Variants in TTC7B observed in about 807,000 individuals in gnomAD.
TTC7B encodes the protein tetratricopeptide repeat domain 7B, also known as tetratricopeptide repeat protein 7B.
TTC7B carries 28 observed loss-of-function variants against 106.8 expected under a neutral mutation model. That is an observed-to-expected ratio of 0.26 (90% CI 0.19 to 0.36). The LOEUF is 0.36. Among genes scored for constraint, TTC7B ranks in the 10% least tolerant of loss-of-function variants. TTC7B has a pLI of 1.00. For missense variants in TTC7B, 862 were observed against 1,076.4 expected (o/e 0.80, Z 2.79); for synonymous variants, 405 against 430.6 (o/e 0.94, Z 0.74).
Position 90,766,135 on chromosome 14 carries a change from G to GTTTT in TTC7B, c.445+14599_445+14602dup, listed in dbSNP as rs3085720. On this transcript the variant is annotated intron_variant, in intron 3 of 19. Transcript: ENST00000328459. ...CCTTGGCACAAAGACAGCCTACAAC[G>GTTTT]TTTTTTTTTTTTTTTAATAAACAAA... Among the ~76,000 whole-genome samples, 440 of 143,434 alleles carry GTTTT rather than the reference G, an allele frequency of 3.1e-3. 4 individuals carry two copies. Among genetic ancestry groups the GTTTT allele is most frequent in the African/African-American group, 0.011 (420 of 39,090 alleles). 94.1% of individuals were successfully genotyped at this position (143,434 alleles called of 152,430 possible).
At chr14:90,717,906 C>CCAGA (rs1361339911) in intron 5 of TTC7B, among the ~76,000 whole-genome samples, 3 of 152,352 alleles carry the variant, frequency 2.0e-5, no homozygotes, top group African/African-American at 7.2e-5. Flanking sequence ...TGGACCCCCT[C>CCAGA]TGTGATGCAG....
intron 19 of TTC7B, among the ~76,000 whole-genome samples, chr14:90,559,870 T>C (rs1288332247): frequency 6.6e-6 from 1 of 152,248 alleles, no homozygotes; most frequent in African/African-American, 2.4e-5. Flanking sequence ...TGCCAGTGTA[T>C]GGCAGAGCTA....
intron 5 of TTC7B, among the ~76,000 whole-genome samples, chr14:90,714,323 G>A (rs1333811364): frequency 6.6e-6 from 1 of 152,098 alleles, no homozygotes; most frequent in Non-Finnish European, 1.5e-5. Context: ...TATAGACACA[G>A]AGCCACAGAG....
chr14:90,652,488 T>TTA (rs577641560), intron 13 of TTC7B, among the ~76,000 whole-genome samples: 64 of 143,530 alleles, frequency 4.5e-4, no homozygotes, highest in African/African-American at 1.2e-3. Flanking sequence ...ATGTTTTTTT[T>TTA]AAAAAAAAAA....
intron 5 of TTC7B, among the ~76,000 whole-genome samples, chr14:90,713,274 C>T (rs994452630): frequency 6.6e-6 from 1 of 152,106 alleles, no homozygotes; most frequent in South Asian, 2.1e-4. Context: ...CACCACCATG[C>T]CCCACTAATT....
chr14:90,657,958 A>G lies in TTC7B; in HGVS notation c.1236+346T>C, dbSNP rs1459323045. The G allele has an allele frequency of 3.2e-6, 1 of 310,076 alleles. No homozygotes were observed. The highest frequency in any genetic ancestry group is 6.2e-6 in the Non-Finnish European group (1 of 160,052). 19.2% of individuals were successfully genotyped at this position (310,076 alleles called of 1,614,324 possible). On this transcript the variant is annotated intron_variant, in intron 10 of 19. Transcript: ENST00000328459. This position sits in a 1 kb window ranked among gnomAD's most constrained non-coding sequence, Gnocchi z 4.2. ...CACTGCCTAATATAACACATTGCTC[A>G]AGATAACCAACAGGTTTCCCCTCCA...
At chr14:90,547,205 T>A (rs1889874616) in intron 19 of TTC7B, among the ~76,000 whole-genome samples, 1 of 152,210 alleles carries the variant, frequency 6.6e-6, no homozygotes, top group Non-Finnish European at 1.5e-5. Flanking sequence ...CATAATCAGG[T>A]GTTTTGTACA....
intron 7 of TTC7B, among the ~76,000 whole-genome samples, chr14:90,684,051 C>G (rs1397859020): frequency 6.6e-6 from 1 of 152,034 alleles, no homozygotes; most frequent in Non-Finnish European, 1.5e-5. Flanking sequence ...GCATTCCCAT[C>G]CTTACCAAAA....
intron 1 of TTC7B, among the ~76,000 whole-genome samples, chr14:90,789,391 C>G (rs947591539): frequency 6.6e-6 from 1 of 152,038 alleles, no homozygotes; most frequent in Admixed American, 6.5e-5. Context: ...AGCCACTATA[C>G]CCGGCCTTAA....
chr14:90,782,625 C>T lies in TTC7B; in HGVS notation c.277-1719G>A, dbSNP rs980517028. ...AAAAAAAGCATCCACCACAGGGGTT[C>T]TCCACCCAGGTAGGGGACAGGCCAG... On this transcript the variant is annotated intron_variant, in intron 2 of 19. Coordinates refer to ENST00000328459, the MANE Select transcript of TTC7B (RefSeq NM_001010854.2). Among the ~76,000 whole-genome samples, 3 of 152,118 alleles carry T rather than the reference C, an allele frequency of 2.0e-5. No individual in the cohort carries two copies. In the East Asian group the frequency reaches 5.8e-4, roughly 29 times the overall value.
chr14:90,660,977 C>T (rs1265193306), intron 9 of TTC7B, among the ~76,000 whole-genome samples: 1 of 152,212 alleles, frequency 6.6e-6, no homozygotes, highest in Non-Finnish European at 1.5e-5. Flanking sequence ...CATGGGACAT[C>T]GGCAGGAGTG....
chr14:90,676,379 A>G, intron 9 of TTC7B, 144 bp downstream of exon 9: 1 of 955,700 alleles, frequency 1.0e-6, no homozygotes, highest in Non-Finnish European at 1.6e-6. Flanking sequence ...ACAGGGGAGA[A>G]AACCAAAGTT....
intron 19 of TTC7B, among the ~76,000 whole-genome samples, chr14:90,544,503 GACC>G (rs1443909563): frequency 6.6e-6 from 1 of 152,116 alleles, no homozygotes; most frequent in Non-Finnish European, 1.5e-5. Context: ...TGGTGCTCTG[GACC>G]ACCTTGGACC....
At chr14:90,803,720 G>A (rs548107880) in intron 1 of TTC7B, among the ~76,000 whole-genome samples, 6 of 152,182 alleles carry the variant, frequency 3.9e-5, no homozygotes, top group African/African-American at 9.6e-5. Flanking sequence ...CACACACAGC[G>A]CAGAGGCTAG....
At chr14:90,621,483 C>A (rs1246535755) in intron 15 of TTC7B, among the ~76,000 whole-genome samples, 12 of 151,550 alleles carry the variant, frequency 7.9e-5, no homozygotes, top group Admixed American at 5.2e-4. Context: ...GCGGGTATGG[C>A]TGGAATTATA....
In TTC7B at chr14:90,524,831, T is replaced by G. The variant is rs1226548759; in HGVS notation, c.*16537A>C. 2 of 151,332 alleles carry G rather than the reference T, an allele frequency of 1.3e-5. No individual in the cohort carries two copies. Among genetic ancestry groups the G allele is most frequent in the Non-Finnish European group, 2.9e-5 (2 of 67,880 alleles). The allele number at this position is 151,332 out of a possible 1,614,324, so 9.4% of individuals were successfully genotyped here. On this transcript the variant is annotated 3_prime_UTR_variant, in exon 20 of 20. Coordinates refer to ENST00000328459, the MANE Select transcript of TTC7B (RefSeq NM_001010854.2). ...CAAGGCACACGGGGATCCCCCACAT[T>G]GCAGGTGGGGAGACTGAGGCCAGGC...
intron 3 of TTC7B, among the ~76,000 whole-genome samples, chr14:90,766,094 T>C (rs554315723): frequency 6.6e-6 from 1 of 150,534 alleles, no homozygotes; most frequent in East Asian, 1.9e-4. Context: ...ACCTCAAATA[T>C]ATACCCCAGG....
At chr14:90,585,265 G>T (rs1027131866) in intron 18 of TTC7B, among the ~76,000 whole-genome samples, 3 of 152,164 alleles carry the variant, frequency 2.0e-5, no homozygotes, top group Non-Finnish European at 2.9e-5. Context: ...TTCTCCAGGG[G>T]CTCCGTGGCA....
intron 2 of TTC7B, among the ~76,000 whole-genome samples, chr14:90,783,135 CCAA>C (rs1321217298): frequency 6.6e-6 from 1 of 152,156 alleles, no homozygotes; most frequent in Non-Finnish European, 1.5e-5. Flanking sequence ...GAGAACAGCC[CCAA>C]CACAGTGTCA....
Sources: gnomAD v4.1 joint callset for allele counts (sites outside exome capture counted in the v4.1 genomes callset) on GRCh38, gnomAD v4.1.1 for gene constraint, Gnocchi (gnomAD v3.1) non-coding constraint, MANE v1.5 for transcripts, NCBI Gene and HGNC (gene_info 2026-07-23, HGNC 2026-07-21) for gene names.